DRC11: variants seen among roughly 807,000 people sequenced by gnomAD.
The protein encoded by DRC11 is dynein regulatory complex subunit 11, also known as IQ and AAA domain-containing protein 1.
the DRC11 span, among the ~76,000 whole-genome samples, chr2:236,345,606 C>G: frequency 6.6e-6 from 1 of 152,176 alleles, no homozygotes; most frequent in African/African-American, 2.4e-5. Flanking sequence ...TAGGCTCCCC[C>G]TGAAAGGTGG....
the DRC11 span, among the ~76,000 whole-genome samples, chr2:236,351,300 G>A: frequency 6.6e-6 from 1 of 151,966 alleles, no homozygotes; most frequent in Non-Finnish European, 1.5e-5. This position sits in a 1 kb window ranked among gnomAD's most constrained non-coding sequence, Gnocchi z 7.3. Context: ...ACCAATGACA[G>A]AAAGTGGGAG....
the DRC11 span, among the ~76,000 whole-genome samples, chr2:236,430,286 T>C: frequency 2.6e-5 from 4 of 152,186 alleles, no homozygotes; most frequent in South Asian, 2.1e-4. This position sits in a 1 kb window ranked among gnomAD's most constrained non-coding sequence, Gnocchi z 6.0. Flanking sequence ...TAATATGTCA[T>C]TGAAGTTGTC....
the DRC11 span, among the ~76,000 whole-genome samples, chr2:236,433,326 A>G: frequency 6.6e-6 from 1 of 152,130 alleles, no homozygotes; most frequent in Admixed American, 6.6e-5. Context: ...TTTGGATCAT[A>G]TTATGTCTAT....
chr2:236,328,745 C>G, the DRC11 span, among the ~76,000 whole-genome samples: 1 of 152,150 alleles, frequency 6.6e-6, no homozygotes, highest in Non-Finnish European at 1.5e-5. The surrounding 1 kb of genome is among the most constrained non-coding windows in gnomAD (Gnocchi z 6.7). Flanking sequence ...TATCGAGACC[C>G]CGTACAGAAT....
the DRC11 span, chr2:236,488,309 A>C: frequency 1.5e-6 from 1 of 654,266 alleles, no homozygotes; most frequent in Non-Finnish European, 2.4e-6. Context: ...ACGGCTGATC[A>C]TGAGTGTGAG....
the DRC11 span, among the ~76,000 whole-genome samples, chr2:236,357,776 T>C: frequency 1.5e-4 from 19 of 125,866 alleles, no homozygotes; most frequent in Middle Eastern, 0.012. Flanking sequence ...ACTATGTAAA[T>C]ATATGTTATA....
the DRC11 span, among the ~76,000 whole-genome samples, chr2:236,355,430 A>G: frequency 1.3e-5 from 2 of 152,256 alleles, no homozygotes; most frequent in Admixed American, 1.3e-4. Flanking sequence ...GCCTATGTGC[A>G]TGTCGCTCCT....
chr2:236,442,473 C>T, the DRC11 span, among the ~76,000 whole-genome samples: 2 of 152,220 alleles, frequency 1.3e-5, no homozygotes, highest in Non-Finnish European at 2.9e-5. Context: ...TACTACACCA[C>T]AGCTAGACAA....
At chr2:236,374,307 TGGGAAAAAATGAAAATATGGACAG>T in the DRC11 span, among the ~76,000 whole-genome samples, 3 of 152,070 alleles carry the variant, frequency 2.0e-5, no homozygotes, top group Admixed American at 2.0e-4. Context: ...GGACCTTAAC[TGGGAAAAAATGAAAATATGGACAG>T]GGGAAAAAAT....
the DRC11 span, among the ~76,000 whole-genome samples, chr2:236,372,156 AT>A: frequency 6.6e-6 from 1 of 152,120 alleles, no homozygotes; most frequent in Non-Finnish European, 1.5e-5. The surrounding 1 kb of genome is among the most constrained non-coding windows in gnomAD (Gnocchi z 4.5). Context: ...CGTTTTTATT[AT>A]TATTTTTGCA....
the DRC11 span, among the ~76,000 whole-genome samples, chr2:236,402,730 C>T: frequency 1.3e-5 from 2 of 152,182 alleles, no homozygotes; most frequent in Admixed American, 6.5e-5. This position sits in a 1 kb window ranked among gnomAD's most constrained non-coding sequence, Gnocchi z 6.0. Context: ...GAAAGTCCCA[C>T]CTACGACACA....
chr2:236,356,902 T>C, the DRC11 span, among the ~76,000 whole-genome samples: 1 of 130,086 alleles, frequency 7.7e-6, no homozygotes, highest in Non-Finnish European at 1.6e-5. Context: ...ATAATATGTA[T>C]ATTTATATAT....
the DRC11 span, among the ~76,000 whole-genome samples, chr2:236,366,963 C>G: frequency 6.7e-6 from 1 of 148,322 alleles, no homozygotes; most frequent in African/African-American, 2.5e-5. Context: ...GCACCTGCCA[C>G]CACACCCGGC....
chr2:236,484,197 T>C, the DRC11 span, among the ~76,000 whole-genome samples: 1 of 152,352 alleles, frequency 6.6e-6, no homozygotes, highest in South Asian at 2.1e-4. Flanking sequence ...CCGATTTTTG[T>C]CCTACCTGAC....
At chr2:236,317,252 C>T in the DRC11 span, among the ~76,000 whole-genome samples, 2 of 151,420 alleles carry the variant, frequency 1.3e-5, no homozygotes, top group African/African-American at 2.4e-5. This position sits in a 1 kb window ranked among gnomAD's most constrained non-coding sequence, Gnocchi z 5.4. Context: ...GCTGAGATCG[C>T]GCCACTGCAC....
At chr2:236,497,089 G>C in the DRC11 span, 3 of 1,130,966 alleles carry the variant, frequency 2.7e-6, no homozygotes, top group South Asian at 1.6e-5. This position sits in a 1 kb window ranked among gnomAD's most constrained non-coding sequence, Gnocchi z 5.1. Flanking sequence ...GTAGAGTATC[G>C]TGTACAGATA....
the DRC11 span, among the ~76,000 whole-genome samples, chr2:236,479,320 G>A: frequency 6.6e-6 from 1 of 151,992 alleles, no homozygotes; most frequent in Non-Finnish European, 1.5e-5. The surrounding 1 kb of genome is among the most constrained non-coding windows in gnomAD (Gnocchi z 4.1). Flanking sequence ...CACTTAATTG[G>A]AGAATTAAGT....
chr2:236,351,476 G>A, the DRC11 span, among the ~76,000 whole-genome samples: 1 of 152,226 alleles, frequency 6.6e-6, no homozygotes, highest in Admixed American at 6.5e-5. This position sits in a 1 kb window ranked among gnomAD's most constrained non-coding sequence, Gnocchi z 7.3. Context: ...GGGCACATGG[G>A]GAGCACCTGG....
the DRC11 span, among the ~76,000 whole-genome samples, chr2:236,464,159 T>C: frequency 1.3e-5 from 2 of 152,208 alleles, no homozygotes; most frequent in Admixed American, 6.5e-5. Context: ...TCTTTGGAAG[T>C]GTTACTAGGT....
Sources: allele counts gnomAD v4.1 joint callset (sites outside exome capture counted in the v4.1 genomes callset), GRCh38; gene constraint gnomAD v4.1.1; non-coding constraint Gnocchi (gnomAD v3.1); transcripts MANE v1.5; gene names NCBI Gene and HGNC (gene_info 2026-07-23, HGNC 2026-07-21).